Variants in RNF152 observed in about 807,000 individuals in gnomAD.
RNF152 encodes the protein ring finger protein 152.
A neutral mutation model predicts 12.7 loss-of-function variants in RNF152; 11 were observed. The observed-to-expected ratio is 0.86, with a 90% CI of 0.54 to 1.43. The LOEUF (loss-of-function observed/expected upper bound fraction) is 1.43, where lower values mean the gene tolerates loss of function less well. Ranked by LOEUF, RNF152 falls within the 40% of genes most tolerant of loss-of-function variation. The probability of loss-of-function intolerance (pLI) is 0.00; values close to 1 mark genes in which losing one functional copy is unlikely to be tolerated. For synonymous variants in RNF152, 113 were observed against 120.3 expected (o/e 0.94, Z 0.40); for missense variants, 255 against 274.8 (o/e 0.93, Z 0.51).
At chr18:61,817,172 C>T (rs749508748) in intron 1 of RNF152, among the ~76,000 whole-genome samples, 2 of 152,146 alleles carry the variant, frequency 1.3e-5, no homozygotes, top group Non-Finnish European at 2.9e-5. Context: ...AAGAAGCACA[C>T]GAAGGCATCT....
chr18:61,880,486 T>G (rs1283591121), intron 1 of RNF152, among the ~76,000 whole-genome samples: 1 of 152,136 alleles, frequency 6.6e-6, no homozygotes, highest in Non-Finnish European at 1.5e-5. Context: ...CTTGGACAAG[T>G]CACCAGGCTT....
chr18:61,890,690 A>G (rs4941081), intron 1 of RNF152, among the ~76,000 whole-genome samples: 79,998 of 152,096 alleles, frequency 0.53, 21,131 homozygotes, highest in East Asian at 0.75. Flanking sequence ...TGGAAAAGCA[A>G]CATTTGTTTC....
intron 1 of RNF152, among the ~76,000 whole-genome samples, chr18:61,858,441 C>A (rs985755696): frequency 6.6e-6 from 1 of 152,056 alleles, no homozygotes; most frequent in Non-Finnish European, 1.5e-5. Flanking sequence ...CCCCTGCAAC[C>A]GTATACCCTA....
intron 1 of RNF152, among the ~76,000 whole-genome samples, chr18:61,829,597 G>GGGGAGA (rs1909841815): frequency 7.0e-6 from 1 of 142,082 alleles, no homozygotes; most frequent in East Asian, 2.1e-4. Context: ...AGAGAGATAA[G>GGGGAGA]GAGAGAGAGA....
intron 1 of RNF152, among the ~76,000 whole-genome samples, chr18:61,821,731 T>C (rs1909423081): frequency 6.6e-6 from 1 of 152,148 alleles, no homozygotes; most frequent in South Asian, 2.1e-4. Flanking sequence ...TGACAGACAA[T>C]TACCGCCTGA....
At chr18:61,832,106 G>T (rs1193143295) in intron 1 of RNF152, among the ~76,000 whole-genome samples, 1 of 152,124 alleles carries the variant, frequency 6.6e-6, no homozygotes, top group Non-Finnish European at 1.5e-5. Flanking sequence ...TTTAGGGGAA[G>T]TCAAACATTC....
intron 1 of RNF152, among the ~76,000 whole-genome samples, chr18:61,825,740 C>T (rs75701422): frequency 0.12 from 18,911 of 152,124 alleles, 1,173 homozygotes; most frequent in African/African-American, 0.14. Context: ...TCTCTCTCTG[C>T]TATAGCCCTC....
intron 1 of RNF152, among the ~76,000 whole-genome samples, chr18:61,818,371 C>T (rs993557727): frequency 2.6e-5 from 4 of 151,824 alleles, no homozygotes; most frequent in Admixed American, 2.6e-4. Context: ...TGCAGTGAGC[C>T]GTGTTTGCAC....
At chr18:61,874,229 G>C (rs973675050) in intron 1 of RNF152, among the ~76,000 whole-genome samples, 1 of 152,146 alleles carries the variant, frequency 6.6e-6, no homozygotes, top group Admixed American at 6.5e-5. Flanking sequence ...CCTCGCTGCC[G>C]CAGTTTAACA....
At chr18:61,819,654 T>C (rs1406767177) in intron 1 of RNF152, among the ~76,000 whole-genome samples, 1 of 152,090 alleles carries the variant, frequency 6.6e-6, no homozygotes, top group Non-Finnish European at 1.5e-5. Context: ...AGAAATACAA[T>C]GAGTTCTGTT....
At chr18:61,862,625 G>A (rs1410964851) in intron 1 of RNF152, among the ~76,000 whole-genome samples, 4 of 152,174 alleles carry the variant, frequency 2.6e-5, no homozygotes, top group South Asian at 2.1e-4. Flanking sequence ...TGGCACCCAC[G>A]GAGGGCATAG....
chr18:61,825,292 G>C (rs1203131246), intron 1 of RNF152, among the ~76,000 whole-genome samples: 1 of 152,162 alleles, frequency 6.6e-6, no homozygotes, highest in Admixed American at 6.5e-5. Flanking sequence ...GCACTGGAAG[G>C]AGACTCTTCT....
chr18:61,844,954 C>T (rs1185086311), intron 1 of RNF152, among the ~76,000 whole-genome samples: 2 of 152,148 alleles, frequency 1.3e-5, no homozygotes, highest in East Asian at 1.9e-4. Flanking sequence ...CTATTTCATT[C>T]ATTTTATTCC....
chr18:61,881,917 A>G (rs1327373275), intron 1 of RNF152, among the ~76,000 whole-genome samples: 1 of 152,218 alleles, frequency 6.6e-6, no homozygotes, highest in Non-Finnish European at 1.5e-5. Context: ...CTTGAGATGC[A>G]ATTCTTAAAT....
intron 1 of RNF152, among the ~76,000 whole-genome samples, chr18:61,829,512 T>A (rs56196720): frequency 6.9e-6 from 1 of 145,634 alleles, no homozygotes; most frequent in African/African-American, 2.6e-5. Context: ...GAGATATATA[T>A]ATATCAGGGG....
intron 1 of RNF152, among the ~76,000 whole-genome samples, chr18:61,847,299 T>C (rs767690534): frequency 3.5e-4 from 54 of 152,324 alleles, no homozygotes; most frequent in Non-Finnish European, 6.3e-4. Context: ...AAATGTGCTA[T>C]TTCTATTTGC....
intron 1 of RNF152, among the ~76,000 whole-genome samples, chr18:61,857,987 G>A (rs373656925): frequency 2.5e-4 from 38 of 152,204 alleles, no homozygotes; most frequent in African/African-American, 8.9e-4. Flanking sequence ...TTTACGTTTG[G>A]GTCTCCTCTG....
At chr18:61,839,519 A>T (rs1344206189) in intron 1 of RNF152, among the ~76,000 whole-genome samples, 1 of 151,942 alleles carries the variant, frequency 6.6e-6, no homozygotes, top group Non-Finnish European at 1.5e-5. Context: ...TAATGTTCCC[A>T]CTCCGTCCTA....
At chr18:61,845,413 G>A (rs1027274919) in intron 1 of RNF152, among the ~76,000 whole-genome samples, 6 of 152,348 alleles carry the variant, frequency 3.9e-5, no homozygotes, top group South Asian at 2.1e-4. Context: ...AGCTGGGCAC[G>A]CAGAGCAAAC....
Sources: gnomAD v4.1 joint callset for allele counts (sites outside exome capture counted in the v4.1 genomes callset) on GRCh38, gnomAD v4.1.1 for gene constraint, MANE v1.5 for transcripts, NCBI Gene and HGNC (gene_info 2026-07-23, HGNC 2026-07-21) for gene names.